Variants in GOLIM4 observed in about 807,000 individuals in gnomAD.
The protein encoded by GOLIM4 is golgi integral membrane protein 4.
Under a neutral mutation model 107.4 loss-of-function variants are expected in GOLIM4, and 71 were observed. The observed-to-expected ratio is 0.66, with a 90% CI of 0.55 to 0.81. GOLIM4 has a LOEUF of 0.81. Among genes scored for constraint, GOLIM4 ranks in the 30% least tolerant of loss-of-function variants. The pLI, the probability that GOLIM4 is intolerant of heterozygous loss-of-function variation, is 0.00. For missense variants in GOLIM4, 830 were observed against 826.1 expected (o/e 1.00, Z -0.06); for synonymous variants, 327 against 294.8 (o/e 1.11, Z -1.12).
At chr3:168,065,711 C>A (rs1183315215) in intron 1 of GOLIM4, among the ~76,000 whole-genome samples, 2 of 152,168 alleles carry the variant, frequency 1.3e-5, no homozygotes, top group Admixed American at 1.3e-4. Context: ...GGTGGACAAC[C>A]TGGACACAGA....
In GOLIM4 at chr3:168,048,368, G is replaced by A. The variant is rs1445961800; in HGVS notation, c.188-3C>T. 12 of 1,418,614 alleles carry A rather than the reference G, an allele frequency of 8.5e-6. No homozygotes were observed. Among genetic ancestry groups the A allele is most frequent in the South Asian group, 1.3e-5 (1 of 79,034 alleles). The allele number at this position is 1,418,614 out of a possible 1,614,324, so 87.9% of individuals were successfully genotyped here. On this transcript the variant is annotated splice_region_variant and splice_polypyrimidine_tract_variant and intron_variant, in intron 1 of 15. Coordinates refer to ENST00000470487, the MANE Select transcript of GOLIM4 (RefSeq NM_014498.5). ...TCTTGATCTGTGTTCATATACAACTGGAAAAAAAGTTAACATTTTTGTCTT... is the reference window on the plus strand; with the variant it reads ...TCTTGATCTGTGTTCATATACAACTAGAAAAAAAGTTAACATTTTTGTCTT...
intron 14 of GOLIM4, among the ~76,000 whole-genome samples, chr3:168,011,371 C>T (rs549942313): frequency 1.3e-5 from 2 of 152,356 alleles, no homozygotes; most frequent in Admixed American, 6.5e-5. Context: ...GATTATATCC[C>T]GCACCTGGCT....
intron 1 of GOLIM4, among the ~76,000 whole-genome samples, chr3:168,062,113 T>C (rs750323301): frequency 2.0e-5 from 3 of 152,194 alleles, no homozygotes; most frequent in Non-Finnish European, 4.4e-5. Flanking sequence ...TCACTTTTTT[T>C]CTACATCCAC....
chr3:168,078,509 T>A (rs1204777066), intron 1 of GOLIM4, among the ~76,000 whole-genome samples: 3 of 152,106 alleles, frequency 2.0e-5, no homozygotes, highest in African/African-American at 7.2e-5. Context: ...AATTTAAAAA[T>A]CATAAAATTT....
At chr3:168,023,830 C>T (rs936642658) in intron 14 of GOLIM4, among the ~76,000 whole-genome samples, 1 of 152,168 alleles carries the variant, frequency 6.6e-6, no homozygotes, top group African/African-American at 2.4e-5. Context: ...CCAATTACAC[C>T]ACATGCAGCA....
chr3:168,046,806 C>CAAA (rs10663226), intron 3 of GOLIM4, 144 bp downstream of exon 3: 2,213 of 370,678 alleles, frequency 6.0e-3, no homozygotes, highest in Middle Eastern at 0.011. Context: ...TTTTGGCAGC[C>CAAA]AAAAAAAAAA....
At chr3:168,084,461 C>G (rs768601303) in intron 1 of GOLIM4, among the ~76,000 whole-genome samples, 1 of 152,126 alleles carries the variant, frequency 6.6e-6, no homozygotes, top group Non-Finnish European at 1.5e-5. Context: ...TTTCTAAGGC[C>G]TATCAACAAC....
At chr3:168,053,488 T>A (rs1456161595) in intron 1 of GOLIM4, among the ~76,000 whole-genome samples, 4 of 152,258 alleles carry the variant, frequency 2.6e-5, no homozygotes, top group Non-Finnish European at 5.9e-5. Context: ...TACCTCTATC[T>A]TCTTATATAT....
intron 1 of GOLIM4, among the ~76,000 whole-genome samples, chr3:168,089,766 T>C (rs569466613): frequency 1.3e-3 from 184 of 142,382 alleles, no homozygotes; most frequent in African/African-American, 4.9e-3. Context: ...AAGATGTTTC[T>C]CTCTTTTTTT....
At chr3:168,069,684 TTCTG>T (rs1327158575) in intron 1 of GOLIM4, among the ~76,000 whole-genome samples, 2 of 152,246 alleles carry the variant, frequency 1.3e-5, no homozygotes, top group African/African-American at 4.8e-5. Flanking sequence ...TGCTTTGATG[TTCTG>T]TCTTTGAATA....
chr3:168,027,881 C>T, intron 11 of GOLIM4, 44 bp from the exon 12 acceptor site: 2 of 1,237,296 alleles, frequency 1.6e-6, no homozygotes, highest in Admixed American at 1.8e-5. Flanking sequence ...ATGAATCAAA[C>T]AGGATTTCCC....
chr3:168,088,368 A>G (rs1721730949), intron 1 of GOLIM4, among the ~76,000 whole-genome samples: 1 of 152,198 alleles, frequency 6.6e-6, no homozygotes, highest in African/African-American at 2.4e-5. Flanking sequence ...TAATTCAACA[A>G]CAGTAGTTCT....
chr3:168,019,889 G>C (rs1007376060), intron 14 of GOLIM4, among the ~76,000 whole-genome samples: 1 of 152,014 alleles, frequency 6.6e-6, no homozygotes, highest in Non-Finnish European at 1.5e-5. Context: ...CCTGACCTCT[G>C]TTCATCTAGT....
intron 14 of GOLIM4, among the ~76,000 whole-genome samples, chr3:168,018,388 G>A (rs778007344): frequency 1.1e-4 from 16 of 152,172 alleles, no homozygotes; most frequent in Non-Finnish European, 2.1e-4. Flanking sequence ...AGCCTACAAA[G>A]GTGACTCTTC....
At position 168,010,809 on chromosome 3, in the gene GOLIM4, C is replaced by T; in HGVS notation, c.1875G>A (p.Leu625=). ...CCAGTTCCCTTTTTTTCTCTTCAGT[C>T]AAATCTTCCTGAACCTAAAACAAAC... ...EEAEEEVQED[L]TEEKKRELEH... Residue 625 remains leucine (L), a synonymous_variant, in exon 15 of 16, where the codon TTG becomes TTA. Coordinates refer to ENST00000470487, the MANE Select transcript of GOLIM4 (RefSeq NM_014498.5). 1 of 1,610,026 alleles carries T rather than the reference C, an allele frequency of 6.2e-7. No individual in the cohort carries two copies. The highest frequency in any genetic ancestry group is 8.5e-7 in the Non-Finnish European group (1 of 1,177,090).
At chr3:168,046,661 T>C (rs926684532) in intron 3 of GOLIM4, among the ~76,000 whole-genome samples, 3 of 152,200 alleles carry the variant, frequency 2.0e-5, no homozygotes, top group African/African-American at 4.8e-5. Flanking sequence ...TTACATTCTA[T>C]AAAAAAGAGA....
At position 168,053,600 on chromosome 3, in the gene GOLIM4, G is replaced by A. The variant is rs7615282; in HGVS notation, c.188-5235C>T. ...GATGACACAAAAAGGAGAATAAATT[G>A]AAATTAATATACGTCTCAGACTTCA... On this transcript the variant is annotated intron_variant, in intron 1 of 15. Transcript: ENST00000470487. 7.4e-3 allele frequency among the ~76,000 whole-genome samples: 1,121 copies of A among 152,264 alleles called. 16 individuals carry two copies. Among genetic ancestry groups the A allele is most frequent in the African/African-American group, 0.026 (1,064 of 41,560 alleles).
At chr3:168,030,309 G>A (rs1378361547) in intron 9 of GOLIM4, among the ~76,000 whole-genome samples, 2 of 152,124 alleles carry the variant, frequency 1.3e-5, no homozygotes, top group African/African-American at 2.4e-5. Context: ...AGGGACAACC[G>A]AAGATAACAG....
intron 1 of GOLIM4, among the ~76,000 whole-genome samples, chr3:168,071,465 C>T (rs1211450911): frequency 6.6e-6 from 1 of 152,024 alleles, no homozygotes; most frequent in Non-Finnish European, 1.5e-5. Flanking sequence ...AAGAAGAGAG[C>T]AACCTGGAGT....
Sources: allele counts gnomAD v4.1 joint callset (sites outside exome capture counted in the v4.1 genomes callset), GRCh38; gene constraint gnomAD v4.1.1; transcripts MANE v1.5; gene names NCBI Gene and HGNC (gene_info 2026-07-23, HGNC 2026-07-21).